PUM2: variants seen among roughly 807,000 people sequenced by gnomAD.
PUM2 encodes the protein pumilio homolog 2.
Under a neutral mutation model 124.5 loss-of-function variants are expected in PUM2, and 57 were observed. The ratio of observed to expected loss-of-function variants is 0.46; its 90% CI spans 0.37 to 0.57. The LOEUF is 0.57. Among genes scored for constraint, PUM2 ranks in the 20% least tolerant of loss-of-function variants. The probability of loss-of-function intolerance (pLI) is 0.00; values close to 1 mark genes in which losing one functional copy is unlikely to be tolerated. For synonymous variants in PUM2, 460 were observed against 446.1 expected, an observed-to-expected ratio of 1.03 and a Z score of -0.39; for missense variants, 1,065 against 1,290.6, an observed-to-expected ratio of 0.83 and a Z score of 2.68.
At chr2:20,318,473 G>A in intron 3 of PUM2, 64 bp downstream of exon 3, 1 of 1,377,084 alleles carries the variant, frequency 7.3e-7, no homozygotes. Flanking sequence ...AAAAAAAAAG[G>A]TGCATTATGA....
At chr2:20,293,995 C>A (rs529202152) in intron 9 of PUM2, among the ~76,000 whole-genome samples, 2 of 152,144 alleles carry the variant, frequency 1.3e-5, no homozygotes, top group South Asian at 2.1e-4. Flanking sequence ...ACCTACTAAT[C>A]CCTTTTTACT....
intron 3 of PUM2, among the ~76,000 whole-genome samples, chr2:20,314,852 G>C (rs1289133847): frequency 1.3e-5 from 2 of 151,666 alleles, no homozygotes; most frequent in African/African-American, 4.8e-5. Flanking sequence ...AAGAGTACAG[G>C]TTTAATAAAA....
At chr2:20,284,045 G>A (rs958158864) in intron 10 of PUM2, among the ~76,000 whole-genome samples, 1 of 152,206 alleles carries the variant, frequency 6.6e-6, no homozygotes, top group Non-Finnish European at 1.5e-5. Context: ...TAAGCACAAG[G>A]TAGGTAATCT....
chr2:20,342,142 AAAG>A (rs899915266), intron 1 of PUM2, among the ~76,000 whole-genome samples: 1 of 151,850 alleles, frequency 6.6e-6, no homozygotes, highest in African/African-American at 2.4e-5. Context: ...AAAAAAAAAA[AAAG>A]AAAGAAAAAG....
chr2:20,252,056 T>C (rs986598490), intron 20 of PUM2, among the ~76,000 whole-genome samples: 4 of 152,194 alleles, frequency 2.6e-5, no homozygotes, highest in Admixed American at 6.5e-5. Flanking sequence ...GCACTACTTA[T>C]AACAATTAAA....
chr2:20,258,608 G>T (rs1195455197), intron 15 of PUM2, among the ~76,000 whole-genome samples: 1 of 140,874 alleles, frequency 7.1e-6, no homozygotes, highest in Non-Finnish European at 1.5e-5. Context: ...ACCTTTTAAA[G>T]AAACACTCTT....
Position 20,282,976 on chromosome 2 carries a change from C to T in PUM2, c.1691G>A (p.Gly564Asp). ...TGAACCAAATCCACTGAGGGCTGAG[C>T]CTATAGCAGCACCCAAAGAGTTACC... ...GSGNSLGAAIGSALSGFGSSV... is the reference protein window; with the variant it reads ...GSGNSLGAAIDSALSGFGSSV... The change falls in exon 12 of 21, where the codon GGC becomes GAC. Residue 564 changes from glycine (G) to aspartate (D), a missense_variant. Physicochemically the swap from Gly to Asp is moderately conservative, Grantham distance 94. Around this residue, in one of 3 missense-constraint regions of PUM2, gnomAD observed 968 missense variants for 1,159.8 expected, o/e 0.83. Coordinates refer to ENST00000361078, the MANE Select transcript of PUM2 (RefSeq NM_015317.5). 1 of 1,614,006 alleles carries T rather than the reference C, an allele frequency of 6.2e-7. No homozygotes were observed. Among genetic ancestry groups the T allele is most frequent in the Non-Finnish European group, 8.5e-7 (1 of 1,179,996 alleles).
intron 2 of PUM2, among the ~76,000 whole-genome samples, 187 bp downstream of exon 2, chr2:20,327,123 G>C (rs1365074660): frequency 6.6e-6 from 1 of 150,688 alleles, no homozygotes; most frequent in African/African-American, 2.5e-5. Flanking sequence ...AAAAATTACT[G>C]CTAAAAGCTT....
chr2:20,339,911 A>G (rs992397098), intron 1 of PUM2, among the ~76,000 whole-genome samples: 1 of 152,190 alleles, frequency 6.6e-6, no homozygotes, highest in African/African-American at 2.4e-5. Context: ...AATAAATAAA[A>G]GAAAAACACA....
rs1352575236 is a variant in PUM2 at position 20,297,545 on chromosome 2, T to C, written c.1009+8A>G. The C allele has an allele frequency of 6.3e-7, 1 of 1,590,030 alleles. No individual in the cohort carries two copies. The highest frequency in any genetic ancestry group is 8.6e-7 in the Non-Finnish European group (1 of 1,166,642). ...AACCATAATAAAGATGAACAAATAG[T>C]ATGTTACCTGCTAATGTAGCTGCTG... is the stretch of plus-strand genomic sequence containing the variant. On this transcript the variant is annotated splice_region_variant and intron_variant, in intron 8 of 20. Transcript: ENST00000361078.
intron 13 of PUM2, among the ~76,000 whole-genome samples, chr2:20,269,145 T>G (rs1668423222): frequency 6.6e-6 from 1 of 152,062 alleles, no homozygotes; most frequent in Admixed American, 6.6e-5. Context: ...TTCTTAAGTC[T>G]GCAAAATGAC....
chr2:20,310,211 T>A lies in PUM2; in HGVS notation c.518+1283A>T, dbSNP rs946514213. Among the ~76,000 whole-genome samples the A allele has an allele frequency of 2.6e-5, 4 of 152,196 alleles. No homozygotes were observed. The South Asian group carries it at 8.3e-4, about 32-fold the overall frequency. On this transcript the variant is annotated intron_variant, in intron 5 of 20. Coordinates refer to ENST00000361078, the MANE Select transcript of PUM2 (RefSeq NM_015317.5). ...CATTTTAATACTGTCAAGTAGTAAC[T>A]AATACTGTATCTAAAATAATTAGTA...
intron 13 of PUM2, among the ~76,000 whole-genome samples, chr2:20,268,041 C>A (rs1304138557): frequency 1.3e-5 from 2 of 152,026 alleles, no homozygotes; most frequent in East Asian, 1.9e-4. Flanking sequence ...CTGGGGGAGA[C>A]CGTAAGTGAA....
chr2:20,251,685 T>C lies in PUM2; in HGVS notation c.3095A>G (p.Tyr1032Cys). 6.2e-7 allele frequency: 1 copy of C among 1,613,688 alleles called. No individual in the cohort carries two copies. The highest frequency in any genetic ancestry group is 8.5e-7 in the Non-Finnish European group (1 of 1,179,620). Residue 1032 changes from tyrosine (Y) to cysteine (C), a missense_variant, in exon 21 of 21, where the codon TAC becomes TGC. Physicochemically the swap from Tyr to Cys is radical, Grantham distance 194. This residue lies in a region of PUM2 where 968 missense variants were observed against 1,159.8 expected (regional missense o/e 0.83). Transcript: ENST00000361078. ...IRPHITTLRK[Y>C]TYGKHILAKL... The stretch of plus-strand genomic sequence containing the variant: ...GGCCAGTATATGCTTCCCGTATGTG[T>C]ATTTGCGCAAAGTAGTAATGTGAGG...
At chr2:20,345,089 CTT>C (rs768667526) in intron 1 of PUM2, among the ~76,000 whole-genome samples, 34 of 129,334 alleles carry the variant, frequency 2.6e-4, no homozygotes, top group Admixed American at 3.2e-4. Context: ...GCACTTTTTT[CTT>C]TTTTTTTTTT....
chr2:20,294,108 T>C (rs917082766), intron 9 of PUM2, among the ~76,000 whole-genome samples: 2 of 152,066 alleles, frequency 1.3e-5, no homozygotes, highest in African/African-American at 4.8e-5. Context: ...TAACATGAAG[T>C]GATGAAAAGA....
chr2:20,263,067 C>A, intron 14 of PUM2, 126 bp downstream of exon 14: 6 of 791,136 alleles, frequency 7.6e-6, no homozygotes, highest in South Asian at 2.2e-5. Flanking sequence ...ACATATAATC[C>A]ATATTGAATT....
intron 1 of PUM2, among the ~76,000 whole-genome samples, chr2:20,330,603 A>C (rs1418622911): frequency 6.6e-6 from 1 of 152,236 alleles, no homozygotes; most frequent in Non-Finnish European, 1.5e-5. Context: ...CCCATACATC[A>C]TCCTAATGCA....
rs764287704 is a variant in PUM2 at position 20,254,045 on chromosome 2, G to C, written c.2871-31C>G. 1.3e-5 allele frequency: 21 copies of C among 1,567,270 alleles called. No homozygotes were observed. The East Asian group carries it at 3.6e-4, about 27-fold the overall frequency. On this transcript the variant is annotated intron_variant, in intron 19 of 20. Transcript: ENST00000361078. ...AATTAAAGCAGATAAACAAAGATTT[G>C]TTATTTTTTTCTTCACAGCAAAATT... is the stretch of plus-strand genomic sequence containing the variant.
Sources: allele counts gnomAD v4.1 joint callset (sites outside exome capture counted in the v4.1 genomes callset), GRCh38; gene constraint gnomAD v4.1.1; regional missense constraint gnomAD v4.1.1; transcripts MANE v1.5; gene names NCBI Gene and HGNC (gene_info 2026-07-23, HGNC 2026-07-21).